Variants in CPNE4 observed in about 807,000 individuals in gnomAD.
CPNE4 encodes copine-4.
In CPNE4, 25 loss-of-function variants were observed where a neutral mutation model predicts 67.9. The observed-to-expected ratio is 0.37, with a 90% confidence interval of 0.27 to 0.51. CPNE4 has a LOEUF of 0.51. Among genes scored for constraint, CPNE4 ranks in the 20% least tolerant of loss-of-function variants. The pLI is 0.93. For missense variants in CPNE4, 464 were observed against 690.8 expected (o/e 0.67, Z 3.68); for synonymous variants, 242 against 244.9 (o/e 0.99, Z 0.11).
At chr3:131,780,178 T>G (rs1379285584) in intron 2 of CPNE4, among the ~76,000 whole-genome samples, 5 of 152,028 alleles carry the variant, frequency 3.3e-5, no homozygotes, top group African/African-American at 9.6e-5. Context: ...AGTCAAAAAA[T>G]AACAGATGCT....
intron 6 of CPNE4, among the ~76,000 whole-genome samples, chr3:131,681,518 G>A (rs1327654898): frequency 2.6e-5 from 4 of 152,110 alleles, no homozygotes; most frequent in East Asian, 3.9e-4. Flanking sequence ...TGTATTGTAC[G>A]TAATTTGTTT....
chr3:131,711,512 G>A (rs908451779), intron 3 of CPNE4, among the ~76,000 whole-genome samples: 1 of 152,166 alleles, frequency 6.6e-6, no homozygotes, highest in African/African-American at 2.4e-5. Flanking sequence ...AGAAGAGTGA[G>A]GGAAGCACGA....
intron 2 of CPNE4, among the ~76,000 whole-genome samples, chr3:131,801,418 G>GTGTA (rs199516084): frequency 0.016 from 708 of 45,024 alleles, 14 homozygotes; most frequent in Admixed American, 0.022. Flanking sequence ...ATATATACGT[G>GTGTA]TGTGTGTGTG....
chr3:131,758,817 A>G (rs917232889), intron 2 of CPNE4, among the ~76,000 whole-genome samples: 1 of 152,056 alleles, frequency 6.6e-6, no homozygotes, highest in African/African-American at 2.4e-5. Flanking sequence ...ATAAGTATCA[A>G]GAGATCTGAT....
chr3:131,680,304 T>C (rs1447544843), intron 6 of CPNE4, among the ~76,000 whole-genome samples: 1 of 151,986 alleles, frequency 6.6e-6, no homozygotes, highest in Non-Finnish European at 1.5e-5. Context: ...TCCCTTTATT[T>C]TGAGCCTATA....
chr3:131,906,215 G>A (rs1189851752), intron 1 of CPNE4, among the ~76,000 whole-genome samples: 1 of 131,594 alleles, frequency 7.6e-6, no homozygotes, highest in Non-Finnish European at 1.7e-5. Context: ...TTTTTTTGTT[G>A]TTGTTGTTTT....
At chr3:131,841,548 T>A (rs372081237) in intron 2 of CPNE4, among the ~76,000 whole-genome samples, 3 of 152,316 alleles carry the variant, frequency 2.0e-5, no homozygotes, top group Admixed American at 2.0e-4. Flanking sequence ...GGATCTAGGT[T>A]ACGTGGTCCT....
chr3:131,815,098 T>C (rs961801797), intron 2 of CPNE4, among the ~76,000 whole-genome samples: 8 of 152,148 alleles, frequency 5.3e-5, no homozygotes, highest in East Asian at 1.9e-4. Flanking sequence ...TAGGGAGCAA[T>C]AGAAGGTGGT....
At chr3:131,583,037 G>A (rs1296425083) in intron 8 of CPNE4, among the ~76,000 whole-genome samples, 1 of 152,130 alleles carries the variant, frequency 6.6e-6, no homozygotes, top group Non-Finnish European at 1.5e-5. Flanking sequence ...AGCAGGACTG[G>A]GCAACTACAT....
At chr3:132,021,833 A>T (rs1403436432) in intron 1 of CPNE4, among the ~76,000 whole-genome samples, 2 of 152,210 alleles carry the variant, frequency 1.3e-5, no homozygotes, top group African/African-American at 4.8e-5. Context: ...TAAACTTTGT[A>T]ACCACCTATT....
At chr3:131,570,225 T>A (rs1292279319) in intron 10 of CPNE4, among the ~76,000 whole-genome samples, 1 of 151,862 alleles carries the variant, frequency 6.6e-6, no homozygotes, top group African/African-American at 2.4e-5. Flanking sequence ...TGTGTAAAAA[T>A]CTGTGTTACA....
chr3:131,978,111 AATAT>A (rs1183747944), intron 1 of CPNE4, among the ~76,000 whole-genome samples: 2 of 58,344 alleles, frequency 3.4e-5, no homozygotes, highest in Non-Finnish European at 5.3e-5. Context: ...ATATATATAA[AATAT>A]ATATAAATAT....
intron 2 of CPNE4, among the ~76,000 whole-genome samples, chr3:131,774,479 T>C (rs1317712259): frequency 6.6e-6 from 1 of 152,086 alleles, no homozygotes; most frequent in African/African-American, 2.4e-5. Context: ...AGCAAAAGTA[T>C]GAAAGAACCT....
chr3:131,639,608 C>T (rs900145904), intron 7 of CPNE4, among the ~76,000 whole-genome samples: 7 of 151,904 alleles, frequency 4.6e-5, no homozygotes, highest in South Asian at 4.1e-4. Flanking sequence ...ATTCTATTGA[C>T]GTTATTACAA....
intron 6 of CPNE4, among the ~76,000 whole-genome samples, chr3:131,670,659 G>C (rs1161034984): frequency 6.6e-6 from 1 of 152,274 alleles, no homozygotes; most frequent in Middle Eastern, 3.4e-3. Context: ...CAGAACTACC[G>C]ACAGACACTC....
chr3:131,904,021 A>G (rs1261300785), intron 2 of CPNE4, among the ~76,000 whole-genome samples: 1 of 152,118 alleles, frequency 6.6e-6, no homozygotes, highest in East Asian at 1.9e-4. Flanking sequence ...GTAAAAACCC[A>G]AGTCATCTCT....
intron 2 of CPNE4, among the ~76,000 whole-genome samples, chr3:131,767,967 A>G (rs2083065348): frequency 6.6e-6 from 1 of 152,056 alleles, no homozygotes; most frequent in South Asian, 2.1e-4. Context: ...TTTCCACTCA[A>G]GTCTAGTTAA....
chr3:131,582,151 G>T (rs774379577), intron 8 of CPNE4, among the ~76,000 whole-genome samples: 8 of 152,152 alleles, frequency 5.3e-5, no homozygotes, highest in African/African-American at 1.9e-4. Context: ...TGACTCAAAA[G>T]GTTAGGAATA....
intron 7 of CPNE4, among the ~76,000 whole-genome samples, chr3:131,629,531 G>A (rs533129499): frequency 1.7e-4 from 26 of 152,028 alleles, no homozygotes; most frequent in African/African-American, 5.1e-4. Flanking sequence ...TGCACCCTCC[G>A]CTTCCCAGGT....
Sources: allele counts gnomAD v4.1 joint callset (sites outside exome capture counted in the v4.1 genomes callset), GRCh38; gene constraint gnomAD v4.1.1; transcripts MANE v1.5; gene names NCBI Gene and HGNC (gene_info 2026-07-23, HGNC 2026-07-21).